The following CHST9 variants were observed in gnomAD, a reference collection of about 807,000 sequenced individuals.
CHST9 encodes GalNAc-4-sulfotransferase 2.
A neutral mutation model predicts 44.4 loss-of-function variants in CHST9; 41 were observed. The observed-to-expected ratio is 0.92, with a 90% CI of 0.72 to 1.20. CHST9 has a LOEUF of 1.20. CHST9 is among the 50% of genes most tolerant of loss of function. The pLI is 0.00. For missense variants in CHST9, 504 were observed against 516.5 expected (o/e 0.98, Z 0.23); for synonymous variants, 171 against 178.4 (o/e 0.96, Z 0.33).
intron 1 of CHST9, among the ~76,000 whole-genome samples, chr18:27,177,769 G>A (rs549229171): frequency 6.6e-6 from 1 of 152,082 alleles, no homozygotes; most frequent in East Asian, 1.9e-4. Context: ...TGTTTACTCT[G>A]ACAAAGAAGG....
intron 1 of CHST9, among the ~76,000 whole-genome samples, chr18:27,163,967 C>T (rs2058769746): frequency 6.6e-6 from 1 of 152,112 alleles, no homozygotes; most frequent in Non-Finnish European, 1.5e-5. Context: ...ACCCTTGTTT[C>T]ACACAAAGTT....
chr18:27,127,792 T>C (rs2058437596), intron 2 of CHST9, among the ~76,000 whole-genome samples: 1 of 151,404 alleles, frequency 6.6e-6, no homozygotes, highest in Non-Finnish European at 1.5e-5. Flanking sequence ...CAGATGTGAG[T>C]AGAAGAATAA....
intron 5 of CHST9, chr18:26,928,144 G>T (rs536975172): frequency 6.5e-6 from 1 of 152,910 alleles, no homozygotes; most frequent in East Asian, 1.9e-4. Context: ...CAAGGCAGAA[G>T]AATTTTTCTT....
chr18:26,994,887 C>G lies in CHST9; in HGVS notation c.202+29229G>C, dbSNP rs114288123. Reference sequence around the variant, plus strand: ...TACAGGCGTGAGCCATTGTGCCTGGCCTGGATTTATTGATTCTTTCCTAAC... The same window carrying G: ...TACAGGCGTGAGCCATTGTGCCTGGGCTGGATTTATTGATTCTTTCCTAAC... On this transcript the variant is annotated intron_variant, in intron 4 of 5. Transcript: ENST00000618847. 8.8e-3 allele frequency among the ~76,000 whole-genome samples: 1,332 copies of G among 151,806 alleles called. 23 individuals are homozygous for G. The highest frequency in any genetic ancestry group is 0.03 in the African/African-American group (1,235 of 41,456).
At chr18:26,968,933 C>T (rs961974356) in intron 4 of CHST9, among the ~76,000 whole-genome samples, 1 of 151,794 alleles carries the variant, frequency 6.6e-6, no homozygotes, top group Admixed American at 6.6e-5. Flanking sequence ...ACAAAATCCT[C>T]ACATGGGTTC....
chr18:27,070,937 C>T (rs1335844155), intron 2 of CHST9, among the ~76,000 whole-genome samples: 2 of 152,144 alleles, frequency 1.3e-5, no homozygotes, highest in African/African-American at 2.4e-5. Flanking sequence ...GCCAGACTCT[C>T]CTCTGTTGCT....
intron 2 of CHST9, among the ~76,000 whole-genome samples, chr18:27,049,809 A>G (rs765678944): frequency 1.4e-4 from 22 of 152,184 alleles, no homozygotes; most frequent in Non-Finnish European, 2.9e-4. Context: ...GATGCAAGAA[A>G]TGTTCATCAT....
intron 1 of CHST9, among the ~76,000 whole-genome samples, chr18:27,158,517 G>A (rs933327995): frequency 2.7e-5 from 4 of 150,668 alleles, no homozygotes; most frequent in Non-Finnish European, 5.9e-5. Context: ...TTGGACATTT[G>A]GGTTGGTTCC....
chr18:27,152,086 C>T (rs1263110748), intron 1 of CHST9, among the ~76,000 whole-genome samples: 1 of 152,154 alleles, frequency 6.6e-6, no homozygotes, highest in South Asian at 2.1e-4. Context: ...CTCAACTGCT[C>T]ACTGTGTTTT....
Position 26,916,857 on chromosome 18 carries a change from GA to G in CHST9, c.733del (p.Ser245ProfsTer11). On this transcript the variant is annotated frameshift_variant, in exon 6 of 6. Coordinates refer to ENST00000618847, the MANE Select transcript of CHST9 (RefSeq NM_031422.6). LOFTEE classifies it high-confidence loss of function. ...CTTCCCGTAGTGGACAGCATTGTGG[GA>G]GATGTTGTATGCAGAGGAAGCCAAT... ...NGLASSAYNISHNAVHYGKHL... is the reference protein window; with the variant it reads ...NGLASSAYNIXHNAVHYGKHL... 2.5e-6 allele frequency: 4 copies of G among 1,613,910 alleles called. No homozygotes were observed. Among genetic ancestry groups the G allele is most frequent in the Non-Finnish European group, 3.4e-6 (4 of 1,179,870 alleles).
intron 2 of CHST9, among the ~76,000 whole-genome samples, chr18:27,089,810 C>CTTTTT (rs56057285): frequency 4.8e-5 from 6 of 124,734 alleles, no homozygotes; most frequent in South Asian, 2.6e-4. Context: ...TGTTTCCTGA[C>CTTTTT]TTTTTTTTTT....
At chr18:27,072,315 T>G (rs918301478) in intron 2 of CHST9, among the ~76,000 whole-genome samples, 11 of 152,154 alleles carry the variant, frequency 7.2e-5, no homozygotes, top group African/African-American at 2.4e-4. Context: ...CTGGCATAAT[T>G]GTTGGCATTT....
In CHST9 at chr18:27,169,900, C is replaced by T. The variant is rs142664120; in HGVS notation, c.-97+15236G>A. Among the ~76,000 whole-genome samples the T allele has an allele frequency of 8.1e-3, 1,240 of 152,194 alleles. 20 individuals carry two copies. The highest frequency in any genetic ancestry group is 0.029 in the African/African-American group (1,186 of 41,530). ...GGGATTACAGGCGTGAGCCACTGCGCCTGGCCAGAAAATATATATTCTTTT... is the reference window on the plus strand; with the variant it reads ...GGGATTACAGGCGTGAGCCACTGCGTCTGGCCAGAAAATATATATTCTTTT... On this transcript the variant is annotated intron_variant, in intron 1 of 5. Transcript: ENST00000618847.
chr18:26,924,834 A>G (rs2055733827), intron 5 of CHST9: 1 of 152,162 alleles, frequency 6.6e-6, no homozygotes, highest in Admixed American at 6.5e-5. Flanking sequence ...CCTGAGGACA[A>G]TTGGGAAGAA....
chr18:27,141,474 C>G, intron 2 of CHST9, among the ~76,000 whole-genome samples: 1 of 151,276 alleles, frequency 6.6e-6, no homozygotes, highest in Middle Eastern at 3.4e-3. Context: ...GCCTGTAGAC[C>G]CAGCTACTTG....
At chr18:27,049,665 A>G (rs1010672690) in intron 2 of CHST9, among the ~76,000 whole-genome samples, 1 of 152,156 alleles carries the variant, frequency 6.6e-6, no homozygotes, top group East Asian at 1.9e-4. Context: ...ACAGACATCT[A>G]CTGAATAGTC....
chr18:27,073,661 G>A lies in CHST9; in HGVS notation c.122-25158C>T, dbSNP rs1351110522. 2.6e-5 allele frequency among the ~76,000 whole-genome samples: 4 copies of A among 151,962 alleles called. No homozygotes were observed. In the East Asian group the frequency reaches 7.8e-4, roughly 30 times the overall value. ...GGCTGCTGCAGGAAGGAGAGTCAAGGTCGCCATTCCATGAGATTGACGTAT... is the reference window on the plus strand; with the variant it reads ...GGCTGCTGCAGGAAGGAGAGTCAAGATCGCCATTCCATGAGATTGACGTAT... On this transcript the variant is annotated intron_variant, in intron 2 of 5. Transcript: ENST00000618847.
At chr18:27,003,518 C>T (rs949540659) in intron 4 of CHST9, among the ~76,000 whole-genome samples, 2 of 152,038 alleles carry the variant, frequency 1.3e-5, no homozygotes, top group Non-Finnish European at 2.9e-5. Flanking sequence ...GGGTAATTTC[C>T]GCAGATAGGG....
intron 4 of CHST9, among the ~76,000 whole-genome samples, chr18:27,015,444 G>C (rs1345909889): frequency 6.6e-6 from 1 of 151,780 alleles, no homozygotes; most frequent in Non-Finnish European, 1.5e-5. Flanking sequence ...TGTAGGGCGT[G>C]GAATCAAGGA....
Sources: gnomAD v4.1 joint callset for allele counts (sites outside exome capture counted in the v4.1 genomes callset) on GRCh38, gnomAD v4.1.1 for gene constraint, MANE v1.5 for transcripts, NCBI Gene and HGNC (gene_info 2026-07-23, HGNC 2026-07-21) for gene names.